GABRA2: variants seen among roughly 807,000 people sequenced by gnomAD.
GABRA2 encodes gamma-aminobutyric acid type A receptor subunit alpha2, also known as gamma-aminobutyric acid receptor subunit alpha-2.
Under a neutral mutation model 48.7 loss-of-function variants are expected in GABRA2, and 16 were observed. The observed-to-expected ratio is 0.33, with a 90% CI of 0.22 to 0.50. The LOEUF is 0.50. Ranked by LOEUF, GABRA2 falls within the 20% of genes least tolerant of loss-of-function variation. GABRA2 has a pLI of 0.98. For synonymous variants in GABRA2, 185 were observed against 184.5 expected, an observed-to-expected ratio of 1.00 and a Z score of -0.02; for missense variants, 275 against 535.6, an observed-to-expected ratio of 0.51 and a Z score of 4.80.
At chr4:46,281,255 A>G (rs1325857434) in intron 8 of GABRA2, among the ~76,000 whole-genome samples, 1 of 152,214 alleles carries the variant, frequency 6.6e-6, no homozygotes, top group African/African-American at 2.4e-5. Context: ...GGATGTATGT[A>G]TCTGGAGTTA....
intron 3 of GABRA2, among the ~76,000 whole-genome samples, chr4:46,351,955 G>T (rs1478324655): frequency 1.6e-4 from 24 of 146,688 alleles, no homozygotes; most frequent in Non-Finnish European, 1.5e-5. Context: ...GATACATTTG[G>T]GGTTTTACCA....
At chr4:46,363,993 G>A (rs1713639938) in intron 3 of GABRA2, 1 of 152,050 alleles carries the variant, frequency 6.6e-6, no homozygotes, top group Admixed American at 6.6e-5. Context: ...TTTTTCTCTT[G>A]CGGAAGACTC....
At chr4:46,312,454 T>C in intron 5 of GABRA2, 42 bp downstream of exon 5, 1 of 1,345,366 alleles carries the variant, frequency 7.4e-7, no homozygotes, top group Admixed American at 1.9e-5. Flanking sequence ...ACATGAAAAT[T>C]TCTCAGTATA....
chr4:46,343,946 G>A (rs1446087737), intron 3 of GABRA2, among the ~76,000 whole-genome samples: 1 of 151,878 alleles, frequency 6.6e-6, no homozygotes, highest in Non-Finnish European at 1.5e-5. Flanking sequence ...CCTAAAAAGA[G>A]AAAAGTAAAA....
rs368960438 is a variant in GABRA2, at chr4:46,256,321, T to G, written c.1059+5605A>C. The G allele has an allele frequency of 1.9e-3, 1,335 of 694,062 alleles. 19 individuals are homozygous for G. The South Asian group carries it at 0.02, about 10-fold the overall frequency. The allele number at this position is 694,062 out of a possible 1,614,324, so 43.0% of individuals were successfully genotyped here. On this transcript the variant is annotated intron_variant, in intron 9 of 9. Transcript: ENST00000381620. ...ATATTAGCTTAGCTCCTTGAAGAAT[T>G]GCTTTCACTGAGTTGTATGTTAATG...
chr4:46,329,648 C>T (rs1372512973), intron 4 of GABRA2, among the ~76,000 whole-genome samples: 1 of 152,120 alleles, frequency 6.6e-6, no homozygotes, highest in Non-Finnish European at 1.5e-5. Context: ...TCTTAATTCT[C>T]TATCACTTGA....
chr4:46,378,152 G>A (rs369475515), intron 3 of GABRA2, among the ~76,000 whole-genome samples: 8,282 of 152,042 alleles, frequency 0.054, 330 homozygotes, highest in East Asian at 0.11. Flanking sequence ...CCCCGTCTGG[G>A]AGGTGTACCC....
At chr4:46,258,223 C>T (rs1716239672) in intron 9 of GABRA2, among the ~76,000 whole-genome samples, 1 of 151,666 alleles carries the variant, frequency 6.6e-6, no homozygotes, top group Non-Finnish European at 1.5e-5. Flanking sequence ...ATGTAAGAAC[C>T]TGTACAAAAT....
In GABRA2 at chr4:46,249,368, G is replaced by C. The variant is rs911777058; in HGVS notation, c.*940C>G. 9.3e-5 allele frequency: 14 copies of C among 151,308 alleles called. No homozygotes were observed. Among genetic ancestry groups the C allele is most frequent in the Non-Finnish European group, 1.5e-5 (1 of 67,630 alleles). The allele number at this position is 151,308 out of a possible 1,614,324, so 9.4% of individuals were successfully genotyped here. A position where few individuals can be genotyped will look rare whatever the true frequency, so the allele number is the denominator to read the frequency against. On this transcript the variant is annotated 3_prime_UTR_variant, in exon 10 of 10. Coordinates refer to ENST00000381620, the MANE Select transcript of GABRA2 (RefSeq NM_000807.4). The stretch of plus-strand genomic sequence containing the variant: ...CAGGAAAGAGGAGAATCATATAAGT[G>C]TTTGTCATAGTGTGGGGCACCTATG...
intron 3 of GABRA2, among the ~76,000 whole-genome samples, chr4:46,361,807 C>A (rs1475475886): frequency 6.6e-6 from 1 of 152,228 alleles, no homozygotes; most frequent in East Asian, 1.9e-4. Flanking sequence ...CCTCTTGCAT[C>A]AGCATTACCT....
intron 8 of GABRA2, among the ~76,000 whole-genome samples, chr4:46,289,287 A>C (rs1323717699): frequency 6.6e-6 from 1 of 152,238 alleles, no homozygotes; most frequent in African/African-American, 2.4e-5. Flanking sequence ...ACAATAGCAA[A>C]GACATGGAAT....
At chr4:46,386,307 T>G in intron 2 of GABRA2, 118 bp from the exon 3 acceptor site, 1 of 604,534 alleles carries the variant, frequency 1.7e-6, no homozygotes, top group Non-Finnish European at 2.8e-6. Context: ...ACCACCCGTT[T>G]TCCTCCTTTT....
chr4:46,328,271 AGT>A (rs71193862), intron 4 of GABRA2, among the ~76,000 whole-genome samples: 11,429 of 128,530 alleles, frequency 0.089, 842 homozygotes, highest in African/African-American at 0.23. Flanking sequence ...AAGATAGCAG[AGT>A]GTGTGTGTGT....
chr4:46,269,611 G>A (rs1247132173), intron 8 of GABRA2, among the ~76,000 whole-genome samples: 1 of 151,642 alleles, frequency 6.6e-6, no homozygotes, highest in Non-Finnish European at 1.5e-5. Flanking sequence ...TATAAACGTA[G>A]TAAAAAAAAT....
intron 3 of GABRA2, among the ~76,000 whole-genome samples, chr4:46,361,254 G>GA (rs1273429511): frequency 6.6e-6 from 1 of 152,100 alleles, no homozygotes; most frequent in African/African-American, 2.4e-5. Context: ...GTTTTAGCAG[G>GA]AAAAATGGGC....
At chr4:46,349,145 C>A (rs279822) in intron 3 of GABRA2, among the ~76,000 whole-genome samples, 94,119 of 151,676 alleles carry the variant, frequency 0.62, 29,882 homozygotes, top group African/African-American at 0.75. Flanking sequence ...ACACAATGGA[C>A]CAGAGTGTAA....
intron 4 of GABRA2, among the ~76,000 whole-genome samples, chr4:46,331,143 T>G (rs1184977347): frequency 6.6e-6 from 1 of 152,176 alleles, no homozygotes; most frequent in Admixed American, 6.6e-5. Flanking sequence ...TAGGATTTTT[T>G]CCTCTTGTAC....
chr4:46,280,953 A>G (rs1353394930), intron 8 of GABRA2, among the ~76,000 whole-genome samples: 1 of 152,186 alleles, frequency 6.6e-6, no homozygotes, highest in African/African-American at 2.4e-5. Context: ...GACAGCCCTC[A>G]CCAGAAACTG....
At chr4:46,250,671 A>G in intron 9 of GABRA2, 67 bp from the exon 10 acceptor site, 2 of 1,225,036 alleles carry the variant, frequency 1.6e-6, no homozygotes, top group South Asian at 2.9e-5. Context: ...TCTAAAGTCC[A>G]CTTCAAATTC....
Sources: gnomAD v4.1 joint callset for allele counts (sites outside exome capture counted in the v4.1 genomes callset) on GRCh38, gnomAD v4.1.1 for gene constraint, MANE v1.5 for transcripts, NCBI Gene and HGNC (gene_info 2026-07-23, HGNC 2026-07-21) for gene names.